The following KCNK4 variants were observed in gnomAD, a reference collection of about 807,000 sequenced individuals.
The protein encoded by KCNK4 is potassium channel subfamily K member 4.
KCNK4 carries 22 observed loss-of-function variants against 28.8 expected under a neutral mutation model. The ratio of observed to expected loss-of-function variants is 0.76; its 90% CI spans 0.55 to 1.09. KCNK4 has a LOEUF of 1.09. KCNK4 is among the 50% of genes least tolerant of loss of function. KCNK4 has a pLI of 0.00. For missense variants in KCNK4, 483 were observed against 546.3 expected (o/e 0.88, Z 1.15); for synonymous variants, 263 against 252.9 (o/e 1.04, Z -0.38).
chr11:64,296,878 G>C lies in KCNK4; in HGVS notation c.190G>C (p.Glu64Gln). The part of the protein sequence containing the change: ...SDQELGLLIK[E>Q]VADALGGGAD... ...CCTCCTTCTGCACCTTGTCCTGCAG[G>C]AGGTGGCTGATGCCCTGGGAGGGGG... Residue 64 changes from glutamate to glutamine, a missense_variant and splice_region_variant, in exon 3 of 7, where the codon GAG becomes CAG. Physicochemically the swap from Glu to Gln is conservative, Grantham distance 29 (BLOSUM62 2). Transcript: ENST00000422670. The C allele has an allele frequency of 6.6e-7, 1 of 1,510,018 alleles. No homozygotes were observed. Among genetic ancestry groups the C allele is most frequent in the Non-Finnish European group, 8.8e-7 (1 of 1,130,980 alleles). The allele number at this position is 1,510,018 out of a possible 1,614,324, so 93.5% of individuals were successfully genotyped here. A position where few individuals can be genotyped will look rare whatever the true frequency, so the allele number is the denominator to read the frequency against.
Position 64,299,895 on chromosome 11 carries a change from A to C in KCNK4, c.*169A>C. 1.5e-6 allele frequency: 2 copies of C among 1,301,012 alleles called. No homozygotes were observed. The highest frequency in any genetic ancestry group is 2.5e-5 in the East Asian group (1 of 39,540). The allele number at this position is 1,301,012 out of a possible 1,614,324, so 80.6% of individuals were successfully genotyped here. Reference sequence around the variant, plus strand: ...CCCGGCCCTTCCCTCACTTCCATCCATCTCTAGACCCCCCCAAGGCTTTCT... The same window carrying C: ...CCCGGCCCTTCCCTCACTTCCATCCCTCTCTAGACCCCCCCAAGGCTTTCT... On this transcript the variant is annotated 3_prime_UTR_variant, in exon 7 of 7. Coordinates refer to ENST00000422670, the MANE Select transcript of KCNK4 (RefSeq NM_033310.3).
At chr11:64,298,457 G>A (rs889297988) in intron 6 of KCNK4, among the ~76,000 whole-genome samples, 2 of 152,164 alleles carry the variant, frequency 1.3e-5, no homozygotes, top group South Asian at 2.1e-4. Context: ...TAGGATTGCC[G>A]GATTTAGCAA....
Position 64,297,469 on chromosome 11 carries a change from G to A in KCNK4, c.477G>A (p.Lys159=), listed in dbSNP as rs769561381. The change falls in exon 5 of 7, where the codon AAG becomes AAA. Residue 159 remains lysine, a splice_region_variant and synonymous_variant. Transcript: ENST00000422670. ...GIGHIEAIFL[K]WHVPPELVRV... The stretch of plus-strand genomic sequence containing the variant: ...CTGCCTACTGCCCCATCCCGCAGAA[G>A]TGGCACGTGCCACCGGAGCTAGTAA... 5 of 1,613,950 alleles carry A rather than the reference G, an allele frequency of 3.1e-6. No individual in the cohort carries two copies. In the African/African-American group the frequency reaches 6.7e-5, roughly 22 times the overall value.
At chr11:64,291,603 T>C (rs991868565) in intron 1 of KCNK4, 37 bp downstream of exon 1, 1 of 151,862 alleles carries the variant, frequency 6.6e-6, no homozygotes, top group African/African-American at 2.4e-5. Flanking sequence ...GCGAGGGCGC[T>C]GCACGGAGGG....
At chr11:64,295,550 CA>C (rs1215442168) in intron 2 of KCNK4, among the ~76,000 whole-genome samples, 1 of 152,170 alleles carries the variant, frequency 6.6e-6, no homozygotes, top group Non-Finnish European at 1.5e-5. Context: ...GCAAAATACA[CA>C]TTAAATCACT....
chr11:64,292,413 C>A (rs1013142347), intron 1 of KCNK4, among the ~76,000 whole-genome samples: 1 of 152,176 alleles, frequency 6.6e-6, no homozygotes, highest in Non-Finnish European at 1.5e-5. Flanking sequence ...GCGGGGGCAC[C>A]CTGGAGGGCC....
In KCNK4 at chr11:64,299,938, G is replaced by C; in HGVS notation, c.*212G>C. The C allele has an allele frequency of 1.1e-6, 1 of 889,102 alleles. No homozygotes were observed. The highest frequency in any genetic ancestry group is 1.7e-6 in the Non-Finnish European group (1 of 588,282). The allele number at this position is 889,102 out of a possible 1,614,324, so 55.1% of individuals were successfully genotyped here. ...GGCTTTCTGTGTCGCTGCCCCGGGC[G>C]GGTGTATCCCTCACAGCACCTCACG... On this transcript the variant is annotated 3_prime_UTR_variant, in exon 7 of 7. Transcript: ENST00000422670.
Position 64,299,464 on chromosome 11 carries a change from C to T in KCNK4, c.920C>T (p.Pro307Leu). The T allele has an allele frequency of 6.2e-7, 1 of 1,604,174 alleles. No individual in the cohort carries two copies. The highest frequency in any genetic ancestry group is 8.5e-7 in the Non-Finnish European group (1 of 1,176,990). The change falls in exon 7 of 7, where the codon CCG (proline) becomes CTG (leucine). Residue 307 changes from proline to leucine, a missense_variant. Transcript: ENST00000422670. ...AAGGAGCAGCCACTGCTGCCTCCAC[C>T]GCCCTGTCCAGCGCAGCCGCTGGGC... is the stretch of plus-strand genomic sequence containing the variant. ...PEKEQPLLPP[P>L]PCPAQPLGRP...
At chr11:64,291,993 GC>G in intron 1 of KCNK4, 1 of 1,168,096 alleles carries the variant, frequency 8.6e-7, no homozygotes, top group Non-Finnish European at 1.1e-6. Context: ...CTGCGCGGTG[GC>G]CCTGCTGTCT....
intron 2 of KCNK4, among the ~76,000 whole-genome samples, chr11:64,294,243 C>T (rs918477096): frequency 5.3e-5 from 8 of 152,218 alleles, no homozygotes; most frequent in African/African-American, 1.9e-4. Flanking sequence ...GTTGGCCGGG[C>T]ACGGTGGCTT....
At chr11:64,294,509 C>T (rs895141336) in intron 2 of KCNK4, among the ~76,000 whole-genome samples, 5 of 63,028 alleles carry the variant, frequency 7.9e-5, no homozygotes, top group Admixed American at 2.8e-4. Flanking sequence ...CCTGGATGAT[C>T]GGTCTCAAAA....
At position 64,297,141 on chromosome 11, in the gene KCNK4, C is replaced by T. The variant is rs1480886760; in HGVS notation, c.336C>T (p.Arg112=). The T allele has an allele frequency of 6.2e-7, 1 of 1,614,184 alleles. No individual in the cohort carries two copies. The highest frequency in any genetic ancestry group is 1.7e-5 in the Admixed American group (1 of 60,020). The change falls in exon 4 of 7, where the codon CGC becomes CGT. Residue 112 remains arginine (R), a synonymous_variant. Transcript: ENST00000422670. ...TTIGYGNVAL[R]TDAGRLFCIF... is the part of the protein sequence containing the mutation. ...CAGGCTATGGCAATGTGGCCCTGCGCACAGATGCCGGGCGCCTCTTCTGCA... is the reference window on the plus strand; with the variant it reads ...CAGGCTATGGCAATGTGGCCCTGCGTACAGATGCCGGGCGCCTCTTCTGCA...
chr11:64,299,362 C>A lies in KCNK4; in HGVS notation c.818C>A (p.Ala273Asp). ...RTRAEMGGLT[A>D]QAASWTGTVT... ...TCCGTGCAGATGGGCGGCCTCACGG[C>A]TCAGGCTGCCAGCTGGACTGGCACG... The change falls in exon 7 of 7, where the codon GCT (alanine) becomes GAT (aspartate). Residue 273 changes from alanine (A) to aspartate (D), a missense_variant. Physicochemically the swap from Ala to Asp is moderately radical, Grantham distance 126. Transcript: ENST00000422670. 1 of 1,566,390 alleles carries A rather than the reference C, an allele frequency of 6.4e-7. No homozygotes were observed. Among genetic ancestry groups the A allele is most frequent in the Non-Finnish European group, 8.6e-7 (1 of 1,158,870 alleles).
In KCNK4 at chr11:64,299,719, C is replaced by G. The variant is rs1381997269; in HGVS notation, c.1175C>G (p.Pro392Arg). Residue 392 changes from proline to arginine, a missense_variant, in exon 7 of 7, where the codon CCG (proline) becomes CGG (arginine). Pro to Arg is a moderately radical substitution (Grantham distance 103). Transcript: ENST00000422670. ...GPGRPRDKGV[P>R]V is the part of the protein sequence containing the mutation. ...GGGCGTCCCCGAGACAAAGGCGTGC[C>G]GGTGTAGGGGCAGGATCCCTGGCCG... 10 of 1,555,514 alleles carry G rather than the reference C, an allele frequency of 6.4e-6. No individual in the cohort carries two copies. Among genetic ancestry groups the G allele is most frequent in the Admixed American group, 1.9e-5 (1 of 52,442 alleles).
Position 64,299,521 on chromosome 11 carries a change from C to T in KCNK4, c.977C>T (p.Ala326Val), listed in dbSNP as rs1030678468. 1.2e-6 allele frequency: 2 copies of T among 1,609,868 alleles called. No individual in the cohort carries two copies. Among genetic ancestry groups the T allele is most frequent in the African/African-American group, 2.7e-5 (2 of 74,422 alleles). ...CGATCCCCTTCGCCCCCCGAGAAGG[C>T]TCAGCCGCCTTCCCCGCCCACGGCC... ...RPRSPSPPEK[A>V]QPPSPPTASA... Residue 326 changes from alanine (A) to valine (V), a missense_variant, in exon 7 of 7, where the codon GCT (alanine) becomes GTT (valine). Ala to Val is a moderately conservative substitution (Grantham distance 64, BLOSUM62 0). Transcript: ENST00000422670.
chr11:64,296,912 C>T lies in KCNK4; in HGVS notation c.224C>T (p.Pro75Leu). 2.0e-6 allele frequency: 3 copies of T among 1,512,466 alleles called. No homozygotes were observed. The highest frequency in any genetic ancestry group is 2.7e-6 in the Non-Finnish European group (3 of 1,132,070). The allele number at this position is 1,512,466 out of a possible 1,614,324, so 93.7% of individuals were successfully genotyped here. ...VADALGGGAD[P>L]ETNSTSNSSH... Reference sequence around the variant, plus strand: ...GATGCCCTGGGAGGGGGTGCGGACCCAGAAACCAACTCGACCAGCAACAGC... The same window carrying T: ...GATGCCCTGGGAGGGGGTGCGGACCTAGAAACCAACTCGACCAGCAACAGC... The change falls in exon 3 of 7, where the codon CCA becomes CTA. Residue 75 changes from proline (P) to leucine (L), a missense_variant. By Grantham distance (98) the Pro-to-Leu change is moderately conservative. Coordinates refer to ENST00000422670, the MANE Select transcript of KCNK4 (RefSeq NM_033310.3).
intron 2 of KCNK4, 142 bp from the exon 3 acceptor site, chr11:64,296,736 G>C: frequency 1.3e-6 from 1 of 747,032 alleles, no homozygotes; most frequent in Non-Finnish European, 1.9e-6. Flanking sequence ...TCTGCTGTAA[G>C]GGACTGCCTC....
In KCNK4 at chr11:64,296,925, G is replaced by C; in HGVS notation, c.237G>C (p.Ser79=). ...GGGGTGCGGACCCAGAAACCAACTC[G>C]ACCAGCAACAGCAGCCACTCAGCCT... The part of the protein sequence containing the change: ...LGGGADPETN[S]TSNSSHSAWD... Residue 79 remains serine, a synonymous_variant, in exon 3 of 7, where the codon TCG becomes TCC. Transcript: ENST00000422670. 1 of 1,510,722 alleles carries C rather than the reference G, an allele frequency of 6.6e-7. No individual in the cohort carries two copies. The highest frequency in any genetic ancestry group is 8.8e-7 in the Non-Finnish European group (1 of 1,130,762). 93.6% of individuals were successfully genotyped at this position (1,510,722 alleles called of 1,614,324 possible).
In KCNK4 at chr11:64,299,620, G is replaced by T; in HGVS notation, c.1076G>T (p.Cys359Phe). 6.2e-7 allele frequency: 1 copy of T among 1,607,690 alleles called. No homozygotes were observed. Among genetic ancestry groups the T allele is most frequent in the South Asian group, 1.1e-5 (1 of 90,792 alleles). ...ESSDTQSERG[C>F]PLPRAPRGRR... ...TCGGATACGCAGAGCGAGCGCGGCT[G>T]CCCGCTGCCCCGCGCGCCGAGAGGT... The change falls in exon 7 of 7, where the codon TGC (cysteine) becomes TTC (phenylalanine). Residue 359 changes from cysteine (C) to phenylalanine (F), a missense_variant. Coordinates refer to ENST00000422670, the MANE Select transcript of KCNK4 (RefSeq NM_033310.3).
Sources: gnomAD v4.1 joint callset for allele counts (sites outside exome capture counted in the v4.1 genomes callset) on GRCh38, gnomAD v4.1.1 for gene constraint, MANE v1.5 for transcripts, NCBI Gene and HGNC (gene_info 2026-07-23, HGNC 2026-07-21) for gene names.